RXFP1: variants seen among roughly 807,000 people sequenced by gnomAD.
RXFP1 encodes the protein relaxin family peptide receptor 1, also known as relaxin receptor 1.
A neutral mutation model predicts 89.8 loss-of-function variants in RXFP1; 73 were observed. The ratio of observed to expected loss-of-function variants is 0.81; its 90% CI spans 0.67 to 0.99. The LOEUF (loss-of-function observed/expected upper bound fraction) is 0.99, where lower values mean the gene tolerates loss of function less well. Among genes scored for constraint, RXFP1 ranks in the 50% least tolerant of loss-of-function variants. The pLI is 0.00. For missense variants in RXFP1, 793 were observed against 895.5 expected, an observed-to-expected ratio of 0.89 and a Z score of 1.46; for synonymous variants, 277 against 305.5, an observed-to-expected ratio of 0.91 and a Z score of 0.97.
chr4:158,576,351 A>G (rs1484876633), intron 2 of RXFP1, among the ~76,000 whole-genome samples: 1 of 152,168 alleles, frequency 6.6e-6, no homozygotes. Context: ...GCTTGAGTCC[A>G]GGAGTTGGAG....
chr4:158,542,731 CAG>C (rs1747125210), intron 1 of RXFP1, among the ~76,000 whole-genome samples: 1 of 152,192 alleles, frequency 6.6e-6, no homozygotes, highest in Non-Finnish European at 1.5e-5. Context: ...GCAATCATTG[CAG>C]AGTTCCTTTA....
chr4:158,522,202 A>G (rs2149759052), intron 1 of RXFP1, among the ~76,000 whole-genome samples, 177 bp downstream of exon 1: 1 of 152,340 alleles, frequency 6.6e-6, no homozygotes, highest in East Asian at 1.9e-4. Flanking sequence ...ATTAAAGACC[A>G]TAATATCTTA....
intron 1 of RXFP1, among the ~76,000 whole-genome samples, chr4:158,569,491 G>GA (rs1034247302): frequency 6.6e-6 from 1 of 152,220 alleles, no homozygotes; most frequent in Admixed American, 6.5e-5. Context: ...CTGGACTGGG[G>GA]AGAGTGTTGA....
chr4:158,560,660 G>T (rs1349416364), intron 1 of RXFP1, among the ~76,000 whole-genome samples: 2 of 152,152 alleles, frequency 1.3e-5, no homozygotes, highest in Admixed American at 6.5e-5. Context: ...GGTATCTGTG[G>T]GTTTCCTTGG....
Position 158,646,838 on chromosome 4 carries a change from G to A in RXFP1, c.1393G>A (p.Asp465Asn). ...GIYLFVIGGF[D>N]LKFRGEYNKH... ...ATATTTATTCGTGATCGGAGGCTTTGACCTAAAGTTTCGTGGAGAATACAA... is the reference window on the plus strand; with the variant it reads ...ATATTTATTCGTGATCGGAGGCTTTAACCTAAAGTTTCGTGGAGAATACAA... Residue 465 changes from aspartate (D) to asparagine (N), a missense_variant, in exon 16 of 18, where the codon GAC (aspartate) becomes AAC (asparagine). Physicochemically the swap from Asp to Asn is conservative, Grantham distance 23. Coordinates refer to ENST00000307765, the MANE Select transcript of RXFP1 (RefSeq NM_021634.4). 1.9e-6 allele frequency: 3 copies of A among 1,614,018 alleles called. No individual in the cohort carries two copies. The highest frequency in any genetic ancestry group is 2.5e-6 in the Non-Finnish European group (3 of 1,179,952).
In RXFP1 at chr4:158,628,618, A is replaced by G. The variant is rs1197246974; in HGVS notation, c.828-20A>G. 7.9e-7 allele frequency: 1 copy of G among 1,259,264 alleles called. No individual in the cohort carries two copies. Among genetic ancestry groups the G allele is most frequent in the Non-Finnish European group, 1.2e-6 (1 of 867,878 alleles). 78.0% of individuals were successfully genotyped at this position (1,259,264 alleles called of 1,614,324 possible). A position where few individuals can be genotyped will look rare whatever the true frequency, so the allele number is the denominator to read the frequency against. Reference sequence around the variant, plus strand: ...CGGTTACCTAAAGAAGTTACAATGTATTTTTCTTTTTACTTTCAGAGTGAT... The same window carrying G: ...CGGTTACCTAAAGAAGTTACAATGTGTTTTTCTTTTTACTTTCAGAGTGAT... On this transcript the variant is annotated intron_variant, in intron 10 of 17. Coordinates refer to ENST00000307765, the MANE Select transcript of RXFP1 (RefSeq NM_021634.4).
At chr4:158,543,675 C>A in intron 1 of RXFP1, 1 of 737,984 alleles carries the variant, frequency 1.4e-6, no homozygotes, top group Non-Finnish European at 1.7e-6. Flanking sequence ...TATTCCATTT[C>A]ATATTTCTTC....
At chr4:158,525,040 AT>A (rs902093957) in intron 1 of RXFP1, among the ~76,000 whole-genome samples, 1 of 152,118 alleles carries the variant, frequency 6.6e-6, no homozygotes, top group South Asian at 2.1e-4. Flanking sequence ...CTTGTAACAG[AT>A]TTTTTCTGTA....
intron 17 of RXFP1, among the ~76,000 whole-genome samples, chr4:158,650,385 C>G (rs889993012): frequency 2.5e-4 from 38 of 150,318 alleles, no homozygotes; most frequent in Non-Finnish European, 4.3e-4. Flanking sequence ...TTATGTTATG[C>G]ATATTTTACC....
At chr4:158,534,227 C>T (rs535158955) in intron 1 of RXFP1, among the ~76,000 whole-genome samples, 1 of 145,620 alleles carries the variant, frequency 6.9e-6, no homozygotes, top group South Asian at 2.2e-4. Context: ...TGTTCTAGAT[C>T]AATGTTATGA....
intron 11 of RXFP1, among the ~76,000 whole-genome samples, chr4:158,629,421 G>T (rs1767585453): frequency 6.6e-6 from 1 of 152,142 alleles, no homozygotes; most frequent in Non-Finnish European, 1.5e-5. Flanking sequence ...TAATGGAAGA[G>T]ATAAATTATT....
chr4:158,548,086 A>T (rs1274863646), intron 1 of RXFP1, among the ~76,000 whole-genome samples: 1 of 152,176 alleles, frequency 6.6e-6, no homozygotes, highest in Non-Finnish European at 1.5e-5. Flanking sequence ...TGGGAGCCTA[A>T]GTCTCTTTGT....
chr4:158,613,492 T>C lies in RXFP1; in HGVS notation c.680+1130T>C, dbSNP rs569813899. Among the ~76,000 whole-genome samples, 3 of 152,368 alleles carry C rather than the reference T, an allele frequency of 2.0e-5. No individual in the cohort carries two copies. In the East Asian group the frequency reaches 5.8e-4, roughly 29 times the overall value. On this transcript the variant is annotated intron_variant, in intron 8 of 17. Transcript: ENST00000307765. ...ATACTTTGTTGTCATTTCAACAGTGTTTACAGCATCTTTACCAGGAGTAGA... is the reference window on the plus strand; with the variant it reads ...ATACTTTGTTGTCATTTCAACAGTGCTTACAGCATCTTTACCAGGAGTAGA...
chr4:158,555,686 A>C (rs1751119922), intron 1 of RXFP1, among the ~76,000 whole-genome samples: 1 of 152,180 alleles, frequency 6.6e-6, no homozygotes, highest in Non-Finnish European at 1.5e-5. Context: ...CTTGTGTCTC[A>C]CTTGGCAATT....
At chr4:158,618,767 G>T (rs1313818972) in intron 9 of RXFP1, among the ~76,000 whole-genome samples, 1 of 151,854 alleles carries the variant, frequency 6.6e-6, no homozygotes, top group Admixed American at 6.6e-5. Flanking sequence ...TGCTTCTAAG[G>T]TATTTGCAGG....
At chr4:158,567,133 C>G (rs576708289) in intron 1 of RXFP1, among the ~76,000 whole-genome samples, 3 of 152,208 alleles carry the variant, frequency 2.0e-5, no homozygotes, top group African/African-American at 7.2e-5. Flanking sequence ...GCTGCCTCCC[C>G]GCTTGGCAGG....
chr4:158,537,452 CTA>C (rs1394988863), intron 1 of RXFP1, among the ~76,000 whole-genome samples: 2 of 152,078 alleles, frequency 1.3e-5, no homozygotes, highest in Non-Finnish European at 2.9e-5. Context: ...TGGTGGAAGA[CTA>C]TGTTAACATC....
intron 4 of RXFP1, among the ~76,000 whole-genome samples, chr4:158,600,986 T>C (rs1449060744): frequency 3.3e-5 from 5 of 152,142 alleles, no homozygotes; most frequent in Non-Finnish European, 5.9e-5. Context: ...TTTGAATCCA[T>C]TCTTTAACAA....
At chr4:158,628,756 T>G in intron 11 of RXFP1, 47 bp downstream of exon 11, 1 of 991,418 alleles carries the variant, frequency 1.0e-6, no homozygotes, top group Non-Finnish European at 1.5e-6. Context: ...TTTCTACTGT[T>G]TTTTCACACT....
Sources: allele counts gnomAD v4.1 joint callset (sites outside exome capture counted in the v4.1 genomes callset), GRCh38; gene constraint gnomAD v4.1.1; transcripts MANE v1.5; gene names NCBI Gene and HGNC (gene_info 2026-07-23, HGNC 2026-07-21).